Variants in NANOS3 observed in about 807,000 individuals in gnomAD.
The protein encoded by NANOS3 is nanos C2HC-type zinc finger 3.
Under a neutral mutation model 13.8 loss-of-function variants are expected in NANOS3, and 11 were observed. The ratio of observed to expected loss-of-function variants is 0.80; its 90% CI spans 0.50 to 1.32. NANOS3 has a LOEUF of 1.32. NANOS3 is among the 40% of genes most tolerant of loss of function. NANOS3 has a pLI of 0.00. For missense variants in NANOS3, 221 were observed against 263.8 expected, an observed-to-expected ratio of 0.84 and a Z score of 1.12; for synonymous variants, 119 against 115.4, an observed-to-expected ratio of 1.03 and a Z score of -0.20.
chr19:13,876,326 G>C (rs7247395), upstream of NANOS3, among the ~76,000 whole-genome samples: 1 of 123,326 alleles, frequency 8.1e-6, no homozygotes, highest in East Asian at 2.4e-4. Flanking sequence ...GTGTGTGTGT[G>C]TGTGTGTATT....
intron 1 of NANOS3, among the ~76,000 whole-genome samples, chr19:13,866,974 T>G (rs552363916): frequency 6.6e-6 from 1 of 152,294 alleles, no homozygotes; most frequent in South Asian, 2.1e-4. Flanking sequence ...ATTTACTTAT[T>G]TATTTTGAGA....
intron 1 of NANOS3, among the ~76,000 whole-genome samples, chr19:13,867,739 C>T (rs1159826574): frequency 6.6e-6 from 1 of 152,028 alleles, no homozygotes; most frequent in Non-Finnish European, 1.5e-5. Flanking sequence ...ACCACCCCCG[C>T]CCAAGAACAC....
At position 13,877,780 on chromosome 19, in the gene NANOS3, G is replaced by A; in HGVS notation, c.517+15G>A. ...AGGAGGAGCAGGTGCCTGCACAGGT[G>A]GCTGGGGGGGACCTGTCCGAGGGTA... On this transcript the variant is annotated intron_variant, in intron 1 of 1. Transcript: ENST00000339133. 1 of 1,540,794 alleles carries A rather than the reference G, an allele frequency of 6.5e-7. No homozygotes were observed. Among genetic ancestry groups the A allele is most frequent in the Non-Finnish European group, 8.7e-7 (1 of 1,146,690 alleles).
rs1427564875 is a variant in NANOS3 at position 13,878,963 on chromosome 19, A to G, written c.517+1198A>G. ...TCTTTTATTTGATTATTTTTCTGAGATGGAGTCTTGCTCTGTCACCCAGGC... is the reference window on the plus strand; with the variant it reads ...TCTTTTATTTGATTATTTTTCTGAGGTGGAGTCTTGCTCTGTCACCCAGGC... On this transcript the variant is annotated intron_variant, in intron 1 of 1. Coordinates refer to ENST00000339133, the MANE Select transcript of NANOS3 (RefSeq NM_001098622.3). Among the ~76,000 whole-genome samples, 6 of 139,136 alleles carry G rather than the reference A, an allele frequency of 4.3e-5. No individual in the cohort carries two copies. The Admixed American group carries it at 4.5e-4, about 10-fold the overall frequency. 91.3% of individuals were successfully genotyped at this position (139,136 alleles called of 152,430 possible).
At chr19:13,876,402 C>T (rs138738131), upstream of NANOS3, among the ~76,000 whole-genome samples, 120 of 152,216 alleles carry the variant, frequency 7.9e-4, no homozygotes, top group African/African-American at 1.0e-3. Context: ...TCAGGTGATC[C>T]GCCTGTCTTG....
rs1428043410 is a variant in NANOS3 at position 13,877,201 on chromosome 19, G to A, written c.-48G>A. ...GAAGGAGGGAGCTTAAGCCAGGCAG[G>A]GTTACTTGTCTCTGTGACTCCTTCC... On this transcript the variant is annotated 5_prime_UTR_variant, in exon 1 of 2. Transcript: ENST00000339133. The A allele has an allele frequency of 6.6e-7, 1 of 1,510,790 alleles. No homozygotes were observed. Among genetic ancestry groups the A allele is most frequent in the Non-Finnish European group, 9.1e-7 (1 of 1,104,612 alleles). 93.6% of individuals were successfully genotyped at this position (1,510,790 alleles called of 1,614,324 possible). A position where few individuals can be genotyped will look rare whatever the true frequency, so the allele number is the denominator to read the frequency against.
rs1976251163 is a variant in NANOS3 at position 13,866,950 on chromosome 19, T to A, written n.21+1513T>A. ...ACATCTGACAGCAGGTCACACATAA[T>A]CTTTTTTATTTTTATTTACTTATTT... On this transcript the variant is annotated intron_variant and non_coding_transcript_variant, in intron 1 of 2. Coordinates refer to the NANOS3 transcript ENST00000591161. Among the ~76,000 whole-genome samples the A allele has an allele frequency of 1.3e-5, 2 of 152,028 alleles. 1 individual carries two copies. The highest frequency in any genetic ancestry group is 3.8e-4 in the East Asian group (2 of 5,198).
At chr19:13,862,695 C>T (rs1976176418), upstream of NANOS3, among the ~76,000 whole-genome samples, 2 of 152,138 alleles carry the variant, frequency 1.3e-5, no homozygotes, top group Admixed American at 1.3e-4. Context: ...CGTGCCACCA[C>T]GCCCGGCTAA....
upstream of NANOS3, among the ~76,000 whole-genome samples, chr19:13,875,855 G>A (rs1968499152): frequency 6.6e-6 from 1 of 152,188 alleles, no homozygotes; most frequent in Non-Finnish European, 1.5e-5. Flanking sequence ...ATGAATGGAT[G>A]GGTGGATGAG....
upstream of NANOS3, among the ~76,000 whole-genome samples, chr19:13,874,369 C>T (rs72997425): frequency 6.0e-4 from 92 of 152,340 alleles, no homozygotes; most frequent in Middle Eastern, 3.4e-3. Flanking sequence ...GCCTCCTCCA[C>T]CTCGGACTAG....
chr19:13,866,116 A>G (rs1212019841), intron 1 of NANOS3, among the ~76,000 whole-genome samples: 2 of 152,110 alleles, frequency 1.3e-5, no homozygotes, highest in Non-Finnish European at 2.9e-5. Context: ...CAGCAGCTGC[A>G]GGGTATTTAC....
intron 1 of NANOS3, among the ~76,000 whole-genome samples, chr19:13,868,497 C>G (rs1243368995): frequency 6.6e-6 from 1 of 151,612 alleles, no homozygotes; most frequent in African/African-American, 2.4e-5. Context: ...GCCGAGGTGG[C>G]AGGATCACTT....
At chr19:13,870,543 G>T (rs1010035631) in intron 1 of NANOS3, among the ~76,000 whole-genome samples, 3 of 149,510 alleles carry the variant, frequency 2.0e-5, no homozygotes, top group African/African-American at 7.5e-5. Context: ...TGGGGGCAAG[G>T]CCCTGGGATA....
chr19:13,872,986 T>C (rs1968426301), upstream of NANOS3, among the ~76,000 whole-genome samples: 1 of 118,066 alleles, frequency 8.5e-6, no homozygotes, highest in South Asian at 3.1e-4. Context: ...TTTGGGGGCG[T>C]GCCCGGTCGG....
chr19:13,876,384 T>C (rs543979675), upstream of NANOS3, among the ~76,000 whole-genome samples: 7 of 152,254 alleles, frequency 4.6e-5, no homozygotes, highest in African/African-American at 1.7e-4. Context: ...GGTCTCGAAC[T>C]CTTGACCTCA....
At chr19:13,862,853 C>T (rs1399537394), upstream of NANOS3, among the ~76,000 whole-genome samples, 1 of 152,186 alleles carries the variant, frequency 6.6e-6, no homozygotes, top group African/African-American at 2.4e-5. Context: ...CTGCCTCTTA[C>T]AGGCGGTACC....
chr19:13,870,869 C>CGT (rs1198707646), intron 1 of NANOS3, among the ~76,000 whole-genome samples: 2 of 151,868 alleles, frequency 1.3e-5, no homozygotes, highest in African/African-American at 4.8e-5. Flanking sequence ...AATGAGCCAC[C>CGT]GTGCCCGGCT....
At chr19:13,872,904 C>T (rs1968424136), upstream of NANOS3, among the ~76,000 whole-genome samples, 1 of 145,436 alleles carries the variant, frequency 6.9e-6, no homozygotes, top group Admixed American at 6.9e-5. Flanking sequence ...TAGAAGGTGC[C>T]GGGAGGCGGG....
chr19:13,874,697 C>T (rs1968472987), upstream of NANOS3: 1 of 530,618 alleles, frequency 1.9e-6, no homozygotes, highest in Non-Finnish European at 3.9e-6. Context: ...GACTCCAGGT[C>T]CCGGAAAATT....
Sources: allele counts gnomAD v4.1 joint callset (sites outside exome capture counted in the v4.1 genomes callset), GRCh38; gene constraint gnomAD v4.1.1; transcripts MANE v1.5; gene names NCBI Gene and HGNC (gene_info 2026-07-23, HGNC 2026-07-21).